Variants in LYPD6B observed in about 807,000 individuals in gnomAD.
LYPD6B encodes LY6/PLAUR domain containing 6B.
In LYPD6B, 17 loss-of-function variants were observed where a neutral mutation model predicts 22.8. That is an observed-to-expected ratio of 0.75 (90% CI 0.51 to 1.12). The LOEUF is 1.12. Among genes scored for constraint, LYPD6B ranks in the 50% most tolerant of loss-of-function variants. The pLI is 0.00. For missense variants in LYPD6B, 221 were observed against 258.3 expected, an observed-to-expected ratio of 0.86 and a Z score of 0.99; for synonymous variants, 106 against 91.6, an observed-to-expected ratio of 1.16 and a Z score of -0.90.
chr2:149,150,549 G>T (rs568214809), intron 2 of LYPD6B, among the ~76,000 whole-genome samples: 47 of 151,480 alleles, frequency 3.1e-4, no homozygotes, highest in Non-Finnish European at 5.4e-4. Context: ...CTGTGGAAAA[G>T]TCTGATGTCA....
At chr2:149,137,207 G>C (rs1688419633) in intron 2 of LYPD6B, among the ~76,000 whole-genome samples, 1 of 152,150 alleles carries the variant, frequency 6.6e-6, no homozygotes, top group Non-Finnish European at 1.5e-5. Context: ...GGATGAGTGA[G>C]GTTAATTAAA....
chr2:149,118,982 A>C lies in LYPD6B; in HGVS notation c.-66-11901A>C, dbSNP rs4349313. 2.0e-5 allele frequency: 3 copies of C among 152,322 alleles called. No homozygotes were observed. The East Asian group carries it at 5.8e-4, about 29-fold the overall frequency. The allele number at this position is 152,322 out of a possible 1,614,324, so 9.4% of individuals were successfully genotyped here. A position where few individuals can be genotyped will look rare whatever the true frequency, so the allele number is the denominator to read the frequency against. ...TGCAGGAAAATGTAATCCCAGATAC[A>C]AAAATACTCTGAAACTGAAAAGTGC... On this transcript the variant is annotated intron_variant, in intron 1 of 6. Transcript: ENST00000409642.
chr2:149,187,289 C>T, intron 3 of LYPD6B: 2 of 918,464 alleles, frequency 2.2e-6, no homozygotes, highest in Non-Finnish European at 2.9e-6. Context: ...TTGTATAAGC[C>T]CAGAATTTGA....
chr2:149,205,158 A>T, intron 3 of LYPD6B, 95 bp from the exon 4 acceptor site: 2 of 1,279,804 alleles, frequency 1.6e-6, no homozygotes, highest in Non-Finnish European at 2.2e-6. Flanking sequence ...ATGGTTGGAT[A>T]TATTTGGATA....
chr2:149,182,052 G>A (rs1217182530), intron 3 of LYPD6B, among the ~76,000 whole-genome samples: 2 of 152,150 alleles, frequency 1.3e-5, no homozygotes, highest in Non-Finnish European at 2.9e-5. Context: ...TCTGTAAGTG[G>A]CGTTAATAAT....
At chr2:149,199,258 G>A (rs1007764447) in intron 3 of LYPD6B, among the ~76,000 whole-genome samples, 2 of 152,160 alleles carry the variant, frequency 1.3e-5, no homozygotes, top group Non-Finnish European at 1.5e-5. Context: ...ACTGGCAAAT[G>A]GGCACAGTAT....
At chr2:149,137,606 CA>C (rs1461437952) in intron 2 of LYPD6B, among the ~76,000 whole-genome samples, 11 of 152,116 alleles carry the variant, frequency 7.2e-5, no homozygotes, top group African/African-American at 2.7e-4. Flanking sequence ...AGCAGATGCT[CA>C]ATAAATATTT....
At chr2:149,065,223 A>G (rs147568829) in intron 1 of LYPD6B, among the ~76,000 whole-genome samples, 1 of 152,308 alleles carries the variant, frequency 6.6e-6, no homozygotes, top group African/African-American at 2.4e-5. Flanking sequence ...TCATTGTAGG[A>G]AACAATGTGT....
Position 149,214,714 on chromosome 2 carries a change from C to T in LYPD6B, c.*4C>T, listed in dbSNP as rs1257643849. ...CTTTGTGCTTCCATTGCTGTGATGCCACCATTCCTAGGAGAGGCAGAGACC... is the reference window on the plus strand; with the variant it reads ...CTTTGTGCTTCCATTGCTGTGATGCTACCATTCCTAGGAGAGGCAGAGACC... On this transcript the variant is annotated 3_prime_UTR_variant, in exon 7 of 7. Transcript: ENST00000409642. 1 of 1,613,870 alleles carries T rather than the reference C, an allele frequency of 6.2e-7. No homozygotes were observed. Among genetic ancestry groups the T allele is most frequent in the Non-Finnish European group, 8.5e-7 (1 of 1,179,792 alleles).
In LYPD6B at chr2:149,147,825, T is replaced by A. The variant is rs115197520; in HGVS notation, c.6-12939T>A. ...CACTGCGCCCAGCCTTGTGTGATGCTTTGGTGTGACTATAAGAAGCTTCAA... is the reference window on the plus strand; with the variant it reads ...CACTGCGCCCAGCCTTGTGTGATGCATTGGTGTGACTATAAGAAGCTTCAA... On this transcript the variant is annotated intron_variant, in intron 2 of 6. Transcript: ENST00000409642. Among the ~76,000 whole-genome samples the A allele has an allele frequency of 9.0e-3, 1,367 of 152,082 alleles. 10 individuals carry two copies. The highest frequency in any genetic ancestry group is 0.013 in the Non-Finnish European group (856 of 68,010).
chr2:149,089,576 A>G (rs892425331), intron 1 of LYPD6B, among the ~76,000 whole-genome samples: 2 of 152,228 alleles, frequency 1.3e-5, no homozygotes, highest in African/African-American at 4.8e-5. Flanking sequence ...GGGATGATCA[A>G]TTCATACTCT....
intron 1 of LYPD6B, among the ~76,000 whole-genome samples, chr2:149,113,120 T>G (rs1206909234): frequency 6.6e-6 from 1 of 152,214 alleles, no homozygotes; most frequent in Non-Finnish European, 1.5e-5. Context: ...TTTTTATTTA[T>G]AGATATCCTT....
At chr2:149,166,280 G>A (rs1440520953) in intron 3 of LYPD6B, among the ~76,000 whole-genome samples, 1 of 152,128 alleles carries the variant, frequency 6.6e-6, no homozygotes, top group African/African-American at 2.4e-5. Flanking sequence ...TAAGTCCAGT[G>A]TCCAGGTAGA....
chr2:149,057,485 C>A (rs1574887251), intron 1 of LYPD6B, among the ~76,000 whole-genome samples: 1 of 151,770 alleles, frequency 6.6e-6, no homozygotes, highest in African/African-American at 2.4e-5. Context: ...TTGTTTACTG[C>A]ATATGATACA....
chr2:149,050,847 G>C (rs1178561150), intron 1 of LYPD6B, among the ~76,000 whole-genome samples: 3 of 152,038 alleles, frequency 2.0e-5, no homozygotes, highest in African/African-American at 7.2e-5. Flanking sequence ...TAAGTTCAAA[G>C]ATTTCCTGTC....
Position 149,183,645 on chromosome 2 carries a change from T to A in LYPD6B, c.78-21608T>A, listed in dbSNP as rs561135445. Among the ~76,000 whole-genome samples the A allele has an allele frequency of 1.4e-3, 218 of 152,262 alleles. 3 individuals are homozygous for A. Among genetic ancestry groups the A allele is most frequent in the African/African-American group, 5.0e-3 (209 of 41,558 alleles). On this transcript the variant is annotated intron_variant, in intron 3 of 6. Coordinates refer to ENST00000409642, the MANE Select transcript of LYPD6B (RefSeq NM_177964.5). ...GAGTTAGTAATGCTTCATAACTCAT[T>A]GTCCCTATAGCAACGGCCACAGGTT...
At chr2:149,061,674 T>G (rs1367713850) in intron 1 of LYPD6B, among the ~76,000 whole-genome samples, 1 of 152,166 alleles carries the variant, frequency 6.6e-6, no homozygotes, top group Non-Finnish European at 1.5e-5. Context: ...TTTGCCAGCA[T>G]GTAAAATAAT....
At position 149,049,258 on chromosome 2, in the gene LYPD6B, AC is replaced by A. The variant is rs367858489; in HGVS notation, c.-67+10460del. The stretch of plus-strand genomic sequence containing the variant: ...AATGACTCTCTCATCATTGAAATGT[AC>A]CCTTCTCTAATCTACCAGTTTGTGT... On this transcript the variant is annotated intron_variant, in intron 1 of 6. Transcript: ENST00000409642. Among the ~76,000 whole-genome samples, 633 of 152,292 alleles carry A rather than the reference AC, an allele frequency of 4.2e-3. 1 individual carries two copies. The highest frequency in any genetic ancestry group is 0.015 in the African/African-American group (603 of 41,562).
At chr2:149,062,666 T>A (rs1684142193) in intron 1 of LYPD6B, among the ~76,000 whole-genome samples, 2 of 152,066 alleles carry the variant, frequency 1.3e-5, no homozygotes, top group African/African-American at 4.8e-5. Context: ...AGAATAGACA[T>A]GCAGAAATCT....
Sources: allele counts gnomAD v4.1 joint callset (sites outside exome capture counted in the v4.1 genomes callset), GRCh38; gene constraint gnomAD v4.1.1; transcripts MANE v1.5; gene names NCBI Gene and HGNC (gene_info 2026-07-23, HGNC 2026-07-21).